CACNA1I: variants seen among roughly 807,000 people sequenced by gnomAD.
CACNA1I encodes calcium voltage-gated channel subunit alpha1 I, also known as voltage-dependent T-type calcium channel subunit alpha-1I.
A neutral mutation model predicts 201.6 loss-of-function variants in CACNA1I; 74 were observed. That is an observed-to-expected ratio of 0.37 (90% CI 0.30 to 0.45). The LOEUF (loss-of-function observed/expected upper bound fraction) is 0.45. Among genes scored for constraint, CACNA1I ranks in the 20% least tolerant of loss-of-function variants. The probability of loss-of-function intolerance (pLI) is 1.00; values close to 1 mark genes in which losing one functional copy is unlikely to be tolerated. For synonymous variants in CACNA1I, 1,431 were observed against 1,345.2 expected, an observed-to-expected ratio of 1.06 and a Z score of -1.40; for missense variants, 2,346 against 3,138.1, an observed-to-expected ratio of 0.75 and a Z score of 6.03.
intron 3 of CACNA1I, among the ~76,000 whole-genome samples, chr22:39,608,070 G>A (rs1042043378): frequency 4.1e-5 from 6 of 144,624 alleles, no homozygotes; most frequent in East Asian, 2.0e-4. Flanking sequence ...AGCCCAGATC[G>A]TGCCACTGCA....
In CACNA1I at chr22:39,665,252, T is replaced by C. The variant is rs1251082520; in HGVS notation, c.3852-246T>C. Among the ~76,000 whole-genome samples the C allele has an allele frequency of 1.3e-5, 2 of 152,072 alleles. No homozygotes were observed. Among genetic ancestry groups the C allele is most frequent in the Non-Finnish European group, 1.5e-5 (1 of 67,988 alleles). On this transcript the variant is annotated intron_variant, in intron 21 of 36. Coordinates refer to ENST00000402142, the MANE Select transcript of CACNA1I (RefSeq NM_021096.4). This position sits in a 1 kb window ranked among gnomAD's most constrained non-coding sequence, Gnocchi z 5.5. ...GGGCACAGTGAGGGGTGAGGGCACG[T>C]ACCCTGCTGCTGCTGTAGATCTGAG...
chr22:39,602,929 AT>A (rs1475209211), intron 3 of CACNA1I, among the ~76,000 whole-genome samples: 1 of 152,054 alleles, frequency 6.6e-6, no homozygotes, highest in African/African-American at 2.4e-5. Flanking sequence ...AGGCAAGAGG[AT>A]TCCTTGAGCC....
At chr22:39,619,253 G>A in intron 3 of CACNA1I, 57 bp from the exon 4 acceptor site, 1 of 1,361,178 alleles carries the variant, frequency 7.3e-7, no homozygotes, top group Non-Finnish European at 1.0e-6. Context: ...TGTGGCCCGG[G>A]CCCTGGCCCC....
chr22:39,659,315 C>A lies in CACNA1I; in HGVS notation c.2331-118C>A. The A allele has an allele frequency of 1.1e-6, 1 of 924,020 alleles. No individual in the cohort carries two copies. Among genetic ancestry groups the A allele is most frequent in the Non-Finnish European group, 1.7e-6 (1 of 596,628 alleles). The allele number at this position is 924,020 out of a possible 1,614,324, so 57.2% of individuals were successfully genotyped here. ...CAGTGTTCATCTCTGTAAAATGGGA[C>A]CAACGCTGCCCCGCCTCCCCCTGCC... On this transcript the variant is annotated intron_variant, in intron 12 of 36. Transcript: ENST00000402142. This position sits in a 1 kb window ranked among gnomAD's most constrained non-coding sequence, Gnocchi z 4.3.
In CACNA1I at chr22:39,679,302, G is replaced by T; in HGVS notation, c.5251G>T (p.Glu1751Ter). The stretch of plus-strand genomic sequence containing the variant: ...GGACGCCGAGATGGATGCCGAGCTC[G>T]AGCTGGAGATGGCCCATGGCCTGGG... The part of the protein sequence containing the change: ...QEDAEMDAEL[E>*]LEMAHGLGPG... The change falls in exon 32 of 37, where the codon GAG becomes TAG. Residue 1751 changes from glutamate to a stop codon, truncating the protein, a stop_gained. Coordinates refer to ENST00000402142, the MANE Select transcript of CACNA1I (RefSeq NM_021096.4). LOFTEE classifies it high-confidence loss of function. 6.4e-7 allele frequency: 1 copy of T among 1,560,034 alleles called. No individual in the cohort carries two copies. Among genetic ancestry groups the T allele is most frequent in the East Asian group, 2.4e-5 (1 of 41,590 alleles).
chr22:39,645,264 G>A (rs1299304279), intron 7 of CACNA1I, among the ~76,000 whole-genome samples: 7 of 152,256 alleles, frequency 4.6e-5, no homozygotes, highest in Non-Finnish European at 1.5e-5. Flanking sequence ...TGGGATTACA[G>A]GCATGAGCCA....
intron 4 of CACNA1I, among the ~76,000 whole-genome samples, chr22:39,621,391 C>G (rs1264718612): frequency 6.6e-6 from 1 of 152,214 alleles, no homozygotes. Context: ...GGCTCTGTCA[C>G]CCACCCCACC....
chr22:39,636,094 AAGTG>A (rs1263188709), intron 5 of CACNA1I, among the ~76,000 whole-genome samples: 1 of 152,172 alleles, frequency 6.6e-6, no homozygotes, highest in Non-Finnish European at 1.5e-5. Flanking sequence ...TTGAAGGAAT[AAGTG>A]AGTAAGTGGA....
In CACNA1I at chr22:39,659,653, C is replaced by T. The variant is rs779981953; in HGVS notation, c.2449-44C>T. 2 of 1,611,790 alleles carry T rather than the reference C, an allele frequency of 1.2e-6. No individual in the cohort carries two copies. The highest frequency in any genetic ancestry group is 1.7e-6 in the Non-Finnish European group (2 of 1,178,412). Reference sequence around the variant, plus strand: ...CCCATGCCTCCTTGTAGAGCCTAGCCCTGGACTAGGGGTACCCCAGGGCTA... The same window carrying T: ...CCCATGCCTCCTTGTAGAGCCTAGCTCTGGACTAGGGGTACCCCAGGGCTA... On this transcript the variant is annotated intron_variant, in intron 13 of 36. Transcript: ENST00000402142. The surrounding 1 kb of genome is among the most constrained non-coding windows in gnomAD (Gnocchi z 4.3).
At chr22:39,616,455 C>T (rs1933538522) in intron 3 of CACNA1I, among the ~76,000 whole-genome samples, 1 of 152,156 alleles carries the variant, frequency 6.6e-6, no homozygotes, top group Non-Finnish European at 1.5e-5. Context: ...TGTAGAGAAA[C>T]ACAAAGTGTA....
rs901886918 is a variant in CACNA1I, at chr22:39,662,399, C to T, written c.3336C>T (p.Arg1112=). ...ACGTCTTCACCAAGATGGGCGACCGCGGGGATCGCGGGGAGGATGAGGAGG... is the reference window on the plus strand; with the variant it reads ...ACGTCTTCACCAAGATGGGCGACCGTGGGGATCGCGGGGAGGATGAGGAGG... ...AKDVFTKMGD[R]GDRGEDEEEI... Residue 1112 remains arginine (R), a synonymous_variant, in exon 17 of 37, where the codon CGC becomes CGT. Transcript: ENST00000402142. 5.5e-6 allele frequency: 8 copies of T among 1,462,750 alleles called. No homozygotes were observed. Among genetic ancestry groups the T allele is most frequent in the African/African-American group, 4.5e-5 (3 of 67,288 alleles). 90.6% of individuals were successfully genotyped at this position (1,462,750 alleles called of 1,614,324 possible). A position where few individuals can be genotyped will look rare whatever the true frequency, so the allele number is the denominator to read the frequency against.
chr22:39,645,811 G>A (rs934131305), intron 7 of CACNA1I, among the ~76,000 whole-genome samples: 36 of 152,338 alleles, frequency 2.4e-4, no homozygotes, highest in African/African-American at 8.2e-4. Flanking sequence ...TGGAGCCCTC[G>A]GGCCACAAGG....
intron 20 of CACNA1I, among the ~76,000 whole-genome samples, chr22:39,664,487 T>A (rs1348704945): frequency 6.6e-6 from 1 of 151,962 alleles, no homozygotes; most frequent in African/African-American, 2.4e-5. Flanking sequence ...TTCAATTGGA[T>A]TTGCCAGAGG....
chr22:39,675,894 T>G (rs1935501160), intron 29 of CACNA1I, among the ~76,000 whole-genome samples: 1 of 151,742 alleles, frequency 6.6e-6, no homozygotes, highest in Non-Finnish European at 1.5e-5. Flanking sequence ...GGGAGGGGGG[T>G]CCCTGGGGGC....
chr22:39,571,067 A>T (rs766107157), intron 1 of CACNA1I, 79 bp downstream of exon 1: 19 of 1,248,214 alleles, frequency 1.5e-5, no homozygotes, highest in Non-Finnish European at 7.0e-6. Context: ...TGCTGCTCAC[A>T]CCTTGCTCCG....
At chr22:39,669,097 CAAGGTTG>C (rs1245207751) in intron 24 of CACNA1I, among the ~76,000 whole-genome samples, 1 of 152,030 alleles carries the variant, frequency 6.6e-6, no homozygotes, top group Non-Finnish European at 1.5e-5. Flanking sequence ...TGTGGCTGAC[CAAGGTTG>C]GCTGTGTCCA....
Position 39,665,922 on chromosome 22 carries a change from C to T in CACNA1I, c.4020C>T (p.Thr1340=), listed in dbSNP as rs536653929. 1.2e-6 allele frequency: 2 copies of T among 1,613,834 alleles called. No homozygotes were observed. Among genetic ancestry groups the T allele is most frequent in the African/African-American group, 2.7e-5 (2 of 75,044 alleles). ...GKFYHCLGVD[T]RNITNRSDCM... is the part of the protein sequence containing the mutation. Reference sequence around the variant, plus strand: ...TCTACCACTGTCTGGGCGTGGACACCCGCAACATCACCAACCGCTCGGACT... The same window carrying T: ...TCTACCACTGTCTGGGCGTGGACACTCGCAACATCACCAACCGCTCGGACT... The change falls in exon 23 of 37, where the codon ACC becomes ACT. Residue 1340 remains threonine, a synonymous_variant. Transcript: ENST00000402142. The surrounding 1 kb of genome is among the most constrained non-coding windows in gnomAD (Gnocchi z 5.5).
intron 1 of CACNA1I, among the ~76,000 whole-genome samples, chr22:39,597,849 G>A (rs1159689591): frequency 6.6e-6 from 1 of 152,220 alleles, no homozygotes; most frequent in East Asian, 1.9e-4. Context: ...TTCCCTGACA[G>A]CCAGGCTTCC....
At chr22:39,672,879 A>C (rs1935412443) in intron 27 of CACNA1I, 70 bp from the exon 28 acceptor site, 1 of 1,515,048 alleles carries the variant, frequency 6.6e-7, no homozygotes, top group Non-Finnish European at 8.9e-7. Context: ...GGCTCCCCCC[A>C]CTAAGGTGTG....
Sources: allele counts gnomAD v4.1 joint callset (sites outside exome capture counted in the v4.1 genomes callset), GRCh38; gene constraint gnomAD v4.1.1; non-coding constraint Gnocchi (gnomAD v3.1); transcripts MANE v1.5; gene names NCBI Gene and HGNC (gene_info 2026-07-23, HGNC 2026-07-21).